Variants in BMPR1A observed in about 807,000 individuals in gnomAD.
BMPR1A encodes the protein bone morphogenetic protein receptor type-1A.
BMPR1A carries 7 observed loss-of-function variants against 66.0 expected under a neutral mutation model. The ratio of observed to expected loss-of-function variants is 0.11; its 90% CI spans 0.06 to 0.20. BMPR1A has a LOEUF of 0.20. Ranked by LOEUF, BMPR1A falls within the 10% of genes least tolerant of loss-of-function variation. The pLI, the probability that BMPR1A is intolerant of heterozygous loss-of-function variation, is 1.00. For missense variants in BMPR1A, 408 were observed against 669.1 expected (o/e 0.61, Z 4.31); for synonymous variants, 200 against 229.7 (o/e 0.87, Z 1.17).
chr10:86,809,196 G>A (rs182992441), intron 1 of BMPR1A, among the ~76,000 whole-genome samples: 2 of 152,150 alleles, frequency 1.3e-5, no homozygotes, highest in Admixed American at 1.3e-4. Context: ...CCATTTTAAA[G>A]TATACAATTC....
chr10:86,890,915 T>C (rs10788533), intron 4 of BMPR1A, among the ~76,000 whole-genome samples: 22,327 of 152,210 alleles, frequency 0.15, 2,635 homozygotes, highest in East Asian at 0.67. Flanking sequence ...ATCATGTAAT[T>C]CTAGTCCATA....
chr10:86,806,256 T>C (rs1278967939), intron 1 of BMPR1A, among the ~76,000 whole-genome samples: 1 of 152,214 alleles, frequency 6.6e-6, no homozygotes, highest in Non-Finnish European at 1.5e-5. Flanking sequence ...TTCCAGTTTC[T>C]CTTCTCTATA....
intron 1 of BMPR1A, among the ~76,000 whole-genome samples, chr10:86,807,602 T>G (rs1226426903): frequency 6.6e-6 from 1 of 151,930 alleles, no homozygotes; most frequent in Non-Finnish European, 1.5e-5. Context: ...AGTCTGGTCT[T>G]GAATTCCTGG....
chr10:86,915,870 G>T (rs575191562), intron 8 of BMPR1A, among the ~76,000 whole-genome samples: 3 of 152,252 alleles, frequency 2.0e-5, no homozygotes, highest in African/African-American at 7.2e-5. Context: ...GATCACTAAT[G>T]CTTCTGAAAA....
intron 8 of BMPR1A, among the ~76,000 whole-genome samples, chr10:86,916,171 C>A (rs1261731612): frequency 6.6e-6 from 1 of 152,174 alleles, no homozygotes; most frequent in African/African-American, 2.4e-5. Context: ...ATAAGTCAAA[C>A]GAGGTTTGTG....
At chr10:86,802,631 G>GAA (rs1249709191) in intron 1 of BMPR1A, among the ~76,000 whole-genome samples, 1 of 139,488 alleles carries the variant, frequency 7.2e-6, no homozygotes, top group African/African-American at 2.6e-5. Flanking sequence ...GCTTGAGGGA[G>GAA]AAAAAAAAAA....
Position 86,884,761 on chromosome 10 carries a change from C to CT in BMPR1A, c.68-5293dup, listed in dbSNP as rs558643742. Among the ~76,000 whole-genome samples, 440 of 151,742 alleles carry CT rather than the reference C, an allele frequency of 2.9e-3. 1 individual carries two copies. The highest frequency in any genetic ancestry group is 7.3e-3 in the African/African-American group (303 of 41,398). On this transcript the variant is annotated intron_variant, in intron 3 of 12. Coordinates refer to ENST00000372037, the MANE Select transcript of BMPR1A (RefSeq NM_004329.3). ...ATAACTATATTCATGTTTCTAGAAG[C>CT]TTTTTTTTGCCATTCAGTGACATTA...
At chr10:86,812,220 C>G (rs1486598138) in intron 1 of BMPR1A, among the ~76,000 whole-genome samples, 1 of 152,130 alleles carries the variant, frequency 6.6e-6, no homozygotes, top group Admixed American at 6.5e-5. Context: ...CTACTTCACC[C>G]CAACTCTGGA....
At chr10:86,765,483 C>CAAAAAA (rs34219531) in intron 1 of BMPR1A, among the ~76,000 whole-genome samples, 1 of 70,652 alleles carries the variant, frequency 1.4e-5, no homozygotes, top group Non-Finnish European at 2.8e-5. Flanking sequence ...GACTCTGTCT[C>CAAAAAA]AAAAAAAAAA....
At chr10:86,882,024 A>T (rs1350430367) in intron 3 of BMPR1A, among the ~76,000 whole-genome samples, 1 of 152,076 alleles carries the variant, frequency 6.6e-6, no homozygotes, top group East Asian at 1.9e-4. Flanking sequence ...TTAGAGATAC[A>T]CATTGAAATA....
chr10:86,841,946 A>G (rs1215612648), intron 2 of BMPR1A, among the ~76,000 whole-genome samples: 1 of 152,218 alleles, frequency 6.6e-6, no homozygotes, highest in Non-Finnish European at 1.5e-5. Flanking sequence ...TGCCCTGTAC[A>G]TCTCTTTATC....
chr10:86,760,248 C>CTTT (rs60211336), intron 1 of BMPR1A, among the ~76,000 whole-genome samples: 49 of 17,018 alleles, frequency 2.9e-3, no homozygotes, highest in Middle Eastern at 0.083. Context: ...TTCTTTCTTT[C>CTTT]TTTTTTTTTT....
chr10:86,866,808 C>A (rs1447903481), intron 2 of BMPR1A, among the ~76,000 whole-genome samples: 1 of 151,810 alleles, frequency 6.6e-6, no homozygotes, highest in Non-Finnish European at 1.5e-5. Flanking sequence ...AAACACTGCA[C>A]TTTGGATTAG....
intron 1 of BMPR1A, among the ~76,000 whole-genome samples, chr10:86,794,899 T>A (rs1366294694): frequency 6.6e-6 from 1 of 151,742 alleles, no homozygotes; most frequent in Non-Finnish European, 1.5e-5. Context: ...TTTCCCAGGA[T>A]GGAGTGCAAT....
intron 7 of BMPR1A, among the ~76,000 whole-genome samples, chr10:86,909,235 T>TA (rs1297923587): frequency 2.0e-5 from 3 of 152,046 alleles, no homozygotes; most frequent in Non-Finnish European, 4.4e-5. Flanking sequence ...TATTCCCCAG[T>TA]GTAAGGTCAA....
At chr10:86,906,067 C>T (rs1195969674) in intron 7 of BMPR1A, among the ~76,000 whole-genome samples, 1 of 152,164 alleles carries the variant, frequency 6.6e-6, no homozygotes, top group African/African-American at 2.4e-5. Flanking sequence ...GGTCTGCTGG[C>T]TGTAAGTCCT....
chr10:86,930,781 G>A (rs983056074), downstream of BMPR1A: 3 of 152,122 alleles, frequency 2.0e-5, no homozygotes, highest in African/African-American at 7.2e-5. Context: ...CCAGGCTAGT[G>A]TGCAGTGGCT....
At chr10:86,793,329 A>T (rs571797333) in intron 1 of BMPR1A, among the ~76,000 whole-genome samples, 2 of 151,370 alleles carry the variant, frequency 1.3e-5, no homozygotes, top group East Asian at 3.9e-4. Flanking sequence ...TCTGTACTGG[A>T]GACAGGATTT....
intron 2 of BMPR1A, among the ~76,000 whole-genome samples, chr10:86,852,886 A>G (rs1283288006): frequency 2.0e-5 from 3 of 152,208 alleles, no homozygotes; most frequent in South Asian, 4.1e-4. Flanking sequence ...AACTTATCCA[A>G]GCCTCTAGCT....
Sources: gnomAD v4.1 joint callset for allele counts (sites outside exome capture counted in the v4.1 genomes callset) on GRCh38, gnomAD v4.1.1 for gene constraint, MANE v1.5 for transcripts, NCBI Gene and HGNC (gene_info 2026-07-23, HGNC 2026-07-21) for gene names.